The following TRPM8 variants were observed in gnomAD, a reference collection of about 807,000 sequenced individuals.
TRPM8 encodes transient receptor potential cation channel subfamily M member 8.
Under a neutral mutation model 133.7 loss-of-function variants are expected in TRPM8, and 110 were observed. The ratio of observed to expected loss-of-function variants is 0.82; its 90% CI spans 0.70 to 0.96. The LOEUF (loss-of-function observed/expected upper bound fraction) is 0.96, where lower values mean the gene tolerates loss of function less well. Among genes scored for constraint, TRPM8 ranks in the 40% least tolerant of loss-of-function variants. The probability of loss-of-function intolerance (pLI) is 0.00; values close to 1 mark genes in which losing one functional copy is unlikely to be tolerated. For synonymous variants in TRPM8, 535 were observed against 532.3 expected (o/e 1.01, Z -0.07); for missense variants, 1,291 against 1,379.5 (o/e 0.94, Z 1.02).
At chr2:233,917,824 GT>G (rs11318897) in intron 1 of TRPM8, among the ~76,000 whole-genome samples, 60,761 of 152,062 alleles carry the variant, frequency 0.4, 17,702 homozygotes, top group African/African-American at 0.8. Flanking sequence ...AATAAAACAA[GT>G]TTTTTCTTGA....
chr2:233,919,229 A>G (rs1349796823), intron 1 of TRPM8, among the ~76,000 whole-genome samples: 1 of 152,186 alleles, frequency 6.6e-6, no homozygotes, highest in Non-Finnish European at 1.5e-5. Context: ...CAAAGGATGC[A>G]TGAATATTCT....
chr2:233,958,936 G>A (rs938541601), intron 11 of TRPM8, among the ~76,000 whole-genome samples: 2 of 151,874 alleles, frequency 1.3e-5, no homozygotes, highest in Non-Finnish European at 2.9e-5. Flanking sequence ...GGGAGTTGGA[G>A]AGCCAAGGCT....
chr2:233,976,472 G>A (rs774132748), intron 17 of TRPM8, among the ~76,000 whole-genome samples: 1 of 152,150 alleles, frequency 6.6e-6, no homozygotes, highest in Non-Finnish European at 1.5e-5. Context: ...TGGGGTGGGA[G>A]TAGACAGGGG....
intron 21 of TRPM8, among the ~76,000 whole-genome samples, chr2:233,990,655 G>A (rs1392406129): frequency 6.6e-6 from 1 of 152,144 alleles, no homozygotes; most frequent in African/African-American, 2.4e-5. Context: ...ACAAATGTGG[G>A]GATTTTTCTC....
At chr2:233,933,316 C>T (rs1294686071) in intron 3 of TRPM8, among the ~76,000 whole-genome samples, 1 of 152,146 alleles carries the variant, frequency 6.6e-6, no homozygotes, top group Non-Finnish European at 1.5e-5. Flanking sequence ...TGAAATGTGG[C>T]TAGGACAACG....
chr2:233,942,724 C>T lies in TRPM8; in HGVS notation c.675C>T (p.Thr225=), dbSNP rs1574707004. ...GGGGCATGGTCTCCAACCGGGACAC[C>T]CTCATCAGGAATTGCGATGCTGAGG... The part of the protein sequence containing the change: ...AAWGMVSNRD[T]LIRNCDAEGY... Residue 225 remains threonine, a synonymous_variant, in exon 6 of 26, where the codon ACC becomes ACT. Transcript: ENST00000324695. 6 of 1,614,116 alleles carry T rather than the reference C, an allele frequency of 3.7e-6. No homozygotes were observed. In the African/African-American group the frequency reaches 5.3e-5, roughly 14 times the overall value.
chr2:233,922,964 G>C (rs1387513136), intron 1 of TRPM8, among the ~76,000 whole-genome samples: 1 of 152,114 alleles, frequency 6.6e-6, no homozygotes, highest in Non-Finnish European at 1.5e-5. Context: ...CGCCTCCCAG[G>C]TTCACGCATT....
chr2:233,969,499 C>A (rs538982555), intron 15 of TRPM8, among the ~76,000 whole-genome samples, 196 bp from the exon 16 acceptor site: 52 of 150,860 alleles, frequency 3.4e-4, no homozygotes, highest in African/African-American at 1.1e-3. Flanking sequence ...AGAAAAAAAA[C>A]AAAAAACCAA....
chr2:234,017,173 C>G (rs1332460948), intron 25 of TRPM8, 126 bp from the exon 26 acceptor site: 5 of 349,922 alleles, frequency 1.4e-5, no homozygotes, highest in Non-Finnish European at 2.8e-5. Flanking sequence ...AATCTCTCAA[C>G]TTTGGTGGTA....
chr2:233,961,903 A>G (rs1220540615), intron 12 of TRPM8, among the ~76,000 whole-genome samples: 4 of 152,196 alleles, frequency 2.6e-5, no homozygotes, highest in African/African-American at 9.7e-5. Flanking sequence ...TGTTGGGATT[A>G]CAGGCGTGAA....
chr2:233,949,538 A>G (rs890688299), intron 8 of TRPM8, among the ~76,000 whole-genome samples: 9 of 152,256 alleles, frequency 5.9e-5, no homozygotes, highest in Non-Finnish European at 1.3e-4. Context: ...TCACACCTCA[A>G]AAGTATGAGT....
At chr2:233,956,001 G>A (rs62192336) in intron 11 of TRPM8, among the ~76,000 whole-genome samples, 22 of 152,242 alleles carry the variant, frequency 1.4e-4, no homozygotes, top group Admixed American at 4.6e-4. Flanking sequence ...ATCTGACACT[G>A]CCACCCATCA....
At chr2:233,955,364 C>A (rs928963143) in intron 11 of TRPM8, 114 bp downstream of exon 11, 2 of 749,170 alleles carry the variant, frequency 2.7e-6, no homozygotes, top group African/African-American at 3.5e-5. Flanking sequence ...AAGGATTGTT[C>A]TGTTCCAGAA....
chr2:233,986,175 T>C (rs915137843), intron 21 of TRPM8, among the ~76,000 whole-genome samples: 3 of 152,240 alleles, frequency 2.0e-5, no homozygotes, highest in Non-Finnish European at 2.9e-5. Context: ...ATATCACCCA[T>C]TGGTGACGGA....
chr2:233,959,769 T>C (rs1691386354), intron 11 of TRPM8, among the ~76,000 whole-genome samples: 1 of 152,036 alleles, frequency 6.6e-6, no homozygotes, highest in Non-Finnish European at 1.5e-5. Flanking sequence ...CACTGGGTTG[T>C]GTCTGAAGTA....
chr2:233,989,235 G>A lies in TRPM8; in HGVS notation c.2939+3370G>A, dbSNP rs561232799. 6.6e-6 allele frequency among the ~76,000 whole-genome samples: 1 copy of A among 152,322 alleles called. No homozygotes were observed. Among genetic ancestry groups the A allele is most frequent in the Admixed American group, 6.5e-5 (1 of 15,304 alleles). On this transcript the variant is annotated intron_variant, in intron 21 of 25. Coordinates refer to ENST00000324695, the MANE Select transcript of TRPM8 (RefSeq NM_024080.5). This position sits in a 1 kb window ranked among gnomAD's most constrained non-coding sequence, Gnocchi z 4.2. ...AATGATTGAATTTGGAGCTGAGAAA[G>A]ATGGGAGCCTCGTCTGTCACTTTCA...
chr2:233,955,018 G>A (rs1691257256), intron 10 of TRPM8, 114 bp from the exon 11 acceptor site: 3 of 729,538 alleles, frequency 4.1e-6, no homozygotes, highest in Admixed American at 2.2e-5. Context: ...GAATGTAAGA[G>A]AACATGATCA....
At chr2:233,971,504 T>G (rs1691717872) in intron 17 of TRPM8, among the ~76,000 whole-genome samples, 1 of 152,134 alleles carries the variant, frequency 6.6e-6, no homozygotes, top group Non-Finnish European at 1.5e-5. Flanking sequence ...CTAGTAGGTC[T>G]GAGGTGCAGA....
At chr2:233,961,925 G>A (rs973573917) in intron 12 of TRPM8, among the ~76,000 whole-genome samples, 1 of 152,156 alleles carries the variant, frequency 6.6e-6, no homozygotes, top group African/African-American at 2.4e-5. Context: ...CACCGTGTCC[G>A]GCCTCAGGTT....
Sources: allele counts gnomAD v4.1 joint callset (sites outside exome capture counted in the v4.1 genomes callset), GRCh38; gene constraint gnomAD v4.1.1; non-coding constraint Gnocchi (gnomAD v3.1); transcripts MANE v1.5; gene names NCBI Gene and HGNC (gene_info 2026-07-23, HGNC 2026-07-21).